The following TMPRSS11D variants were observed in gnomAD, a reference collection of about 807,000 sequenced individuals.
TMPRSS11D encodes the protein transmembrane protease serine 11D.
TMPRSS11D carries 32 observed loss-of-function variants against 44.4 expected under a neutral mutation model. That is an observed-to-expected ratio of 0.72 (90% confidence interval 0.54 to 0.97). The LOEUF is 0.97. Ranked by LOEUF, TMPRSS11D falls within the 50% of genes least tolerant of loss-of-function variation. TMPRSS11D has a pLI of 0.00. For missense variants in TMPRSS11D, 446 were observed against 502.6 expected (o/e 0.89, Z 1.08); for synonymous variants, 179 against 177.9 (o/e 1.01, Z -0.05).
intron 3 of TMPRSS11D, 55 bp from the exon 4 acceptor site, chr4:67,842,680 T>C (rs894278187): frequency 2.0e-6 from 3 of 1,490,014 alleles, no homozygotes; most frequent in Non-Finnish European, 2.8e-6. Context: ...TTCTTCTCCT[T>C]CCTCTCAACC....
chr4:67,871,378 A>T (rs888049682), intron 1 of TMPRSS11D, among the ~76,000 whole-genome samples: 7 of 152,120 alleles, frequency 4.6e-5, no homozygotes, highest in African/African-American at 7.2e-5. Flanking sequence ...AGGAGATGGT[A>T]TATCTGTATT....
At chr4:67,854,255 A>T in intron 2 of TMPRSS11D, 69 bp from the exon 3 acceptor site, 1 of 797,648 alleles carries the variant, frequency 1.3e-6, no homozygotes, top group Non-Finnish European at 2.0e-6. Context: ...TTTATTCAGG[A>T]TTATGGGAGG....
At chr4:67,846,080 C>T (rs917526512) in intron 3 of TMPRSS11D, among the ~76,000 whole-genome samples, 2 of 152,120 alleles carry the variant, frequency 1.3e-5, no homozygotes, top group Admixed American at 6.5e-5. Context: ...ATTTTAATCA[C>T]TCTTCTGTTA....
chr4:67,826,817 T>C (rs1717805898), intron 8 of TMPRSS11D, among the ~76,000 whole-genome samples: 1 of 151,426 alleles, frequency 6.6e-6, no homozygotes. Context: ...TTCTAGCTAC[T>C]TGGGAGGCTG....
chr4:67,850,448 T>TG (rs1210831411), intron 3 of TMPRSS11D, among the ~76,000 whole-genome samples: 2 of 128,722 alleles, frequency 1.6e-5, no homozygotes, highest in Non-Finnish European at 3.3e-5. Flanking sequence ...AAACTTTGTG[T>TG]GGGAAAAAAA....
intron 2 of TMPRSS11D, among the ~76,000 whole-genome samples, chr4:67,859,277 T>A (rs1263526123): frequency 6.6e-6 from 1 of 152,112 alleles, no homozygotes; most frequent in Non-Finnish European, 1.5e-5. Context: ...GAGAGTTTTT[T>A]TTTCCTTTGG....
chr4:67,845,469 A>G (rs1718336430), intron 3 of TMPRSS11D, among the ~76,000 whole-genome samples: 1 of 152,176 alleles, frequency 6.6e-6, no homozygotes, highest in Non-Finnish European at 1.5e-5. Context: ...CTGTAAAAGG[A>G]AAGTAGTTAA....
chr4:67,854,157 A>C lies in TMPRSS11D; in HGVS notation c.160T>G (p.Phe54Val), dbSNP rs1718576927. 1 of 1,583,714 alleles carries C rather than the reference A, an allele frequency of 6.3e-7. No individual in the cohort carries two copies. Among genetic ancestry groups the C allele is most frequent in the Middle Eastern group, 1.7e-4 (1 of 5,974 alleles). The change falls in exon 3 of 10, where the codon TTT becomes GTT. Residue 54 changes from phenylalanine to valine, a missense_variant. Phe to Val is a conservative substitution (Grantham distance 50, BLOSUM62 -1). Coordinates refer to ENST00000283916, the MANE Select transcript of TMPRSS11D (RefSeq NM_004262.3). The stretch of plus-strand genomic sequence containing the variant: ...TTATATTCAACATTTAGGAGTTGAA[A>C]ACTGCTCCTATAAAAGTAAGATTTT... ...DQKSYFYRSS[F>V]QLLNVEYNSQ...
intron 3 of TMPRSS11D, among the ~76,000 whole-genome samples, chr4:67,849,353 G>A (rs1718438943): frequency 6.6e-6 from 1 of 152,142 alleles, no homozygotes; most frequent in African/African-American, 2.4e-5. Flanking sequence ...TGTCTAGGCT[G>A]GAAATATAGT....
chr4:67,868,902 T>A (rs1431456008), intron 1 of TMPRSS11D, among the ~76,000 whole-genome samples: 1 of 152,120 alleles, frequency 6.6e-6, no homozygotes, highest in African/African-American at 2.4e-5. Flanking sequence ...AGGGGCTATG[T>A]GTGTGGAAAA....
chr4:67,882,955 T>C (rs1456457301), intron 1 of TMPRSS11D, among the ~76,000 whole-genome samples: 1 of 152,014 alleles, frequency 6.6e-6, no homozygotes, highest in Non-Finnish European at 1.5e-5. Flanking sequence ...ATCTATTACA[T>C]GAATATGAAA....
At chr4:67,873,176 T>C (rs1478049874) in intron 1 of TMPRSS11D, among the ~76,000 whole-genome samples, 1 of 152,242 alleles carries the variant, frequency 6.6e-6, no homozygotes, top group South Asian at 2.1e-4. Context: ...CTTTTCCTTC[T>C]GTAGCCCGAA....
chr4:67,863,580 A>T (rs1287859664), intron 1 of TMPRSS11D, among the ~76,000 whole-genome samples: 1 of 152,094 alleles, frequency 6.6e-6, no homozygotes, highest in Admixed American at 6.6e-5. Context: ...TTCTAAGCAC[A>T]GTGTTTAATT....
At chr4:67,869,882 C>T (rs1427895046) in intron 1 of TMPRSS11D, among the ~76,000 whole-genome samples, 2 of 152,170 alleles carry the variant, frequency 1.3e-5, no homozygotes, top group African/African-American at 4.8e-5. Context: ...AGATCTTCCC[C>T]ATTAGTTCAC....
intron 2 of TMPRSS11D, among the ~76,000 whole-genome samples, chr4:67,856,012 A>T (rs796388874): frequency 1.8e-4 from 28 of 152,312 alleles, no homozygotes; most frequent in African/African-American, 6.7e-4. Context: ...ATGGAAAGAC[A>T]TTCCTTGCTC....
intron 2 of TMPRSS11D, among the ~76,000 whole-genome samples, chr4:67,855,857 G>A (rs1718622671): frequency 6.6e-6 from 1 of 152,032 alleles, no homozygotes; most frequent in South Asian, 2.1e-4. Context: ...TAAAGTTGCA[G>A]GATACAAACT....
At chr4:67,864,962 C>T (rs1204852421) in intron 1 of TMPRSS11D, among the ~76,000 whole-genome samples, 4 of 151,674 alleles carry the variant, frequency 2.6e-5, no homozygotes, top group African/African-American at 7.3e-5. Context: ...GACAGATCAT[C>T]GAGACAGAAA....
chr4:67,857,287 AT>A (rs1209278566), intron 2 of TMPRSS11D, among the ~76,000 whole-genome samples: 3,032 of 8,264 alleles, frequency 0.37, 124 homozygotes, highest in Non-Finnish European at 0.42. Flanking sequence ...ATATATATAT[AT>A]ATATATATAT....
At chr4:67,881,829 A>G (rs1719326435) in intron 1 of TMPRSS11D, among the ~76,000 whole-genome samples, 1 of 152,220 alleles carries the variant, frequency 6.6e-6, no homozygotes, top group African/African-American at 2.4e-5. Flanking sequence ...TTTGTTTGGT[A>G]GGAGGAGTCC....
Sources: allele counts gnomAD v4.1 joint callset (sites outside exome capture counted in the v4.1 genomes callset), GRCh38; gene constraint gnomAD v4.1.1; transcripts MANE v1.5; gene names NCBI Gene and HGNC (gene_info 2026-07-23, HGNC 2026-07-21).